Variants in TOX observed in about 807,000 individuals in gnomAD.
The protein encoded by TOX is thymocyte selection associated high mobility group box.
In TOX, 11 loss-of-function variants were observed where a neutral mutation model predicts 53.7. The observed-to-expected ratio is 0.20, with a 90% CI of 0.13 to 0.34. The LOEUF is 0.34. TOX is among the 10% of genes least tolerant of loss of function. The pLI is 1.00. For missense variants in TOX, 570 were observed against 664.6 expected (o/e 0.86, Z 1.56); for synonymous variants, 225 against 245.3 (o/e 0.92, Z 0.77).
At chr8:59,024,935 G>A (rs1814207203) in intron 1 of TOX, among the ~76,000 whole-genome samples, 1 of 152,138 alleles carries the variant, frequency 6.6e-6, no homozygotes, top group Non-Finnish European at 1.5e-5. Context: ...AAAGATCATA[G>A]TGAAGTGTTT....
At chr8:58,921,435 A>G (rs1812073960) in intron 3 of TOX, among the ~76,000 whole-genome samples, 1 of 152,230 alleles carries the variant, frequency 6.6e-6, no homozygotes, top group Non-Finnish European at 1.5e-5. Flanking sequence ...CAAAATCCAC[A>G]TGGTTAACTA....
chr8:59,070,961 G>A (rs540489221), intron 1 of TOX, among the ~76,000 whole-genome samples: 1 of 152,182 alleles, frequency 6.6e-6, no homozygotes, highest in South Asian at 2.1e-4. Flanking sequence ...GAAAAAGCTA[G>A]CAATATCCTT....
chr8:58,914,690 G>A (rs1052366373), intron 3 of TOX, among the ~76,000 whole-genome samples: 1 of 152,140 alleles, frequency 6.6e-6, no homozygotes, highest in Admixed American at 6.5e-5. Context: ...AAGAATCTCT[G>A]GGGAGGAGCC....
At chr8:58,930,473 A>G (rs886238247) in intron 3 of TOX, among the ~76,000 whole-genome samples, 7 of 152,218 alleles carry the variant, frequency 4.6e-5, no homozygotes, top group African/African-American at 1.7e-4. Flanking sequence ...GTTTTTCTCC[A>G]TGGGGAGTGG....
chr8:58,939,139 A>G (rs1381835784), intron 3 of TOX, among the ~76,000 whole-genome samples, 163 bp downstream of exon 3: 2 of 152,264 alleles, frequency 1.3e-5, no homozygotes, highest in African/African-American at 4.8e-5. Context: ...AATATAAAAT[A>G]GAACATTGCT....
At chr8:59,012,660 T>G (rs1033247532) in intron 1 of TOX, among the ~76,000 whole-genome samples, 1 of 152,226 alleles carries the variant, frequency 6.6e-6, no homozygotes, top group African/African-American at 2.4e-5. Flanking sequence ...AAGTTCACAT[T>G]AATCCTCATA....
At position 58,983,408 on chromosome 8, in the gene TOX, C is replaced by G. The variant is rs565229979; in HGVS notation, c.103-23400G>C. ...GGTCCAGCAACCACACTTAAAGAAC[C>G]CCTGGCATCGAGTTAAAGCTTCTAG... On this transcript the variant is annotated intron_variant, in intron 1 of 8. Transcript: ENST00000361421. 4.6e-5 allele frequency among the ~76,000 whole-genome samples: 7 copies of G among 152,240 alleles called. No homozygotes were observed. The South Asian group carries it at 1.5e-3, about 32-fold the overall frequency.
chr8:58,933,922 G>T (rs1006508498), intron 3 of TOX, among the ~76,000 whole-genome samples: 1 of 152,178 alleles, frequency 6.6e-6, no homozygotes, highest in Non-Finnish European at 1.5e-5. Context: ...CAGCCCTGCT[G>T]GTAAGAGGGT....
At chr8:58,931,183 G>A (rs1489438667) in intron 3 of TOX, among the ~76,000 whole-genome samples, 1 of 152,106 alleles carries the variant, frequency 6.6e-6, no homozygotes, top group Non-Finnish European at 1.5e-5. Flanking sequence ...AAACATATCA[G>A]CAATCAATGA....
At chr8:58,849,470 G>C (rs1479895248) in intron 4 of TOX, among the ~76,000 whole-genome samples, 1 of 152,114 alleles carries the variant, frequency 6.6e-6, no homozygotes, top group Non-Finnish European at 1.5e-5. Flanking sequence ...ATACCCACTG[G>C]CAAAGTTTCA....
intron 1 of TOX, among the ~76,000 whole-genome samples, chr8:59,099,216 T>C (rs1804763950): frequency 6.6e-6 from 1 of 152,218 alleles, no homozygotes; most frequent in African/African-American, 2.4e-5. Context: ...GGAAAAAATC[T>C]TAGAGGTGAT....
chr8:58,823,528 T>C (rs1193433923), intron 6 of TOX, among the ~76,000 whole-genome samples: 2 of 152,202 alleles, frequency 1.3e-5, no homozygotes, highest in Admixed American at 6.5e-5. Context: ...CTGGCTGGTA[T>C]ATAGTATTTT....
intron 1 of TOX, among the ~76,000 whole-genome samples, chr8:59,024,134 T>A (rs558540834): frequency 7.3e-4 from 111 of 152,200 alleles, no homozygotes; most frequent in Non-Finnish European, 1.3e-3. Flanking sequence ...GATTATAAAC[T>A]TCTTGATGGC....
At chr8:58,983,185 A>G (rs1813233372) in intron 1 of TOX, among the ~76,000 whole-genome samples, 1 of 152,264 alleles carries the variant, frequency 6.6e-6, no homozygotes, top group Non-Finnish European at 1.5e-5. Context: ...CACTGACAGC[A>G]GACACTGTGG....
chr8:59,083,308 G>T (rs574976233), intron 1 of TOX, among the ~76,000 whole-genome samples: 1 of 152,282 alleles, frequency 6.6e-6, no homozygotes, highest in East Asian at 1.9e-4. Context: ...TCAAATGCTA[G>T]CTGCATCAAT....
intron 3 of TOX, among the ~76,000 whole-genome samples, chr8:58,896,806 G>A (rs1462773931): frequency 6.6e-6 from 1 of 152,182 alleles, no homozygotes; most frequent in Admixed American, 6.5e-5. Context: ...CCCTGCATGG[G>A]CCACACAATA....
chr8:59,077,594 G>A (rs1238849526), intron 1 of TOX, among the ~76,000 whole-genome samples: 1 of 152,064 alleles, frequency 6.6e-6, no homozygotes, highest in Non-Finnish European at 1.5e-5. Flanking sequence ...GTGTTCTCCT[G>A]GCACTGAGAT....
chr8:59,027,783 C>A (rs182889654), intron 1 of TOX, among the ~76,000 whole-genome samples: 1 of 152,048 alleles, frequency 6.6e-6, no homozygotes, highest in African/African-American at 2.4e-5. Context: ...GAGGAGTTGC[C>A]GGTACACATA....
intron 1 of TOX, among the ~76,000 whole-genome samples, chr8:59,019,000 T>C (rs913818303): frequency 6.6e-6 from 1 of 152,196 alleles, no homozygotes; most frequent in Non-Finnish European, 1.5e-5. Flanking sequence ...CCTTGTAGCC[T>C]GGGTAATCAC....
Sources: gnomAD v4.1 joint callset for allele counts (sites outside exome capture counted in the v4.1 genomes callset) on GRCh38, gnomAD v4.1.1 for gene constraint, MANE v1.5 for transcripts, NCBI Gene and HGNC (gene_info 2026-07-23, HGNC 2026-07-21) for gene names.